Variants in TMEM232 observed in about 807,000 individuals in gnomAD.
TMEM232 encodes transmembrane protein 232.
In TMEM232, 80 loss-of-function variants were observed where a neutral mutation model predicts 78.8. The observed-to-expected ratio is 1.01, with a 90% CI of 0.85 to 1.22. The LOEUF (loss-of-function observed/expected upper bound fraction) is 1.22. Ranked by LOEUF, TMEM232 falls within the 50% of genes most tolerant of loss-of-function variation. The pLI, the probability that TMEM232 is intolerant of heterozygous loss-of-function variation, is 0.00. For synonymous variants in TMEM232, 297 were observed against 254.3 expected (o/e 1.17, Z -1.60); for missense variants, 881 against 742.2 (o/e 1.19, Z -2.17).
chr5:110,735,364 G>A (rs1472421297), intron 1 of TMEM232, among the ~76,000 whole-genome samples: 1 of 152,072 alleles, frequency 6.6e-6, no homozygotes, highest in African/African-American at 2.4e-5. Context: ...TAAGCCCGTT[G>A]GGGGGTGGTT....
At chr5:110,688,250 G>C (rs1239609359) in intron 1 of TMEM232, among the ~76,000 whole-genome samples, 2 of 152,084 alleles carry the variant, frequency 1.3e-5, no homozygotes, top group African/African-American at 4.8e-5. Context: ...TAGGTAGTTG[G>C]ATAGATGAAG....
Position 110,677,740 on chromosome 5 carries a change from T to C in TMEM232, c.-12-10376A>G, listed in dbSNP as rs182774996. 2.6e-5 allele frequency among the ~76,000 whole-genome samples: 4 copies of C among 152,318 alleles called. No individual in the cohort carries two copies. The East Asian group carries it at 7.7e-4, about 29-fold the overall frequency. On this transcript the variant is annotated intron_variant, in intron 1 of 13. Transcript: ENST00000455884. ...CTGGTAAAACGTTTGACATTAAATT[T>C]TGAAAATACAGCAAAATTTTATGTT...
intron 8 of TMEM232, among the ~76,000 whole-genome samples, chr5:110,609,492 A>G (rs1781918934): frequency 6.6e-6 from 1 of 152,040 alleles, no homozygotes; most frequent in Non-Finnish European, 1.5e-5. Context: ...TTTTTTAAGT[A>G]GTGAGAGTAT....
intron 1 of TMEM232, among the ~76,000 whole-genome samples, chr5:110,706,281 C>T (rs1175461608): frequency 6.6e-6 from 1 of 152,150 alleles, no homozygotes; most frequent in African/African-American, 2.4e-5. Context: ...TATTCACAGA[C>T]TACCAAAATG....
At chr5:110,657,379 A>G (rs936275513) in intron 2 of TMEM232, among the ~76,000 whole-genome samples, 1 of 90,066 alleles carries the variant, frequency 1.1e-5, no homozygotes, top group Admixed American at 1.3e-4. Context: ...ATGGATATCT[A>G]TCTGAGTGTG....
chr5:110,631,596 G>A (rs528136584), intron 5 of TMEM232, among the ~76,000 whole-genome samples: 1 of 152,294 alleles, frequency 6.6e-6, no homozygotes, highest in East Asian at 1.9e-4. Context: ...ATGGCACCTT[G>A]TCTGGGCCTG....
intron 11 of TMEM232, among the ~76,000 whole-genome samples, chr5:110,554,753 A>G (rs1774877818): frequency 6.6e-6 from 1 of 152,044 alleles, no homozygotes; most frequent in Non-Finnish European, 1.5e-5. Flanking sequence ...TTCTTTATAC[A>G]TCTGGTATAA....
chr5:110,598,105 A>T (rs1231316306), intron 10 of TMEM232, among the ~76,000 whole-genome samples: 1 of 152,186 alleles, frequency 6.6e-6, no homozygotes, highest in Non-Finnish European at 1.5e-5. Flanking sequence ...AATTTTCGCA[A>T]CCTACTCATC....
At chr5:110,401,581 A>G (rs1755599639) in intron 2 of TMEM232, among the ~76,000 whole-genome samples, 1 of 151,982 alleles carries the variant, frequency 6.6e-6, no homozygotes, top group African/African-American at 2.4e-5. Flanking sequence ...TTCTGGCTTA[A>G]GAGTTTGATT....
intron 13 of TMEM232, among the ~76,000 whole-genome samples, chr5:110,421,237 A>G (rs188266450): frequency 1.8e-3 from 272 of 152,120 alleles, no homozygotes; most frequent in African/African-American, 6.1e-3. Context: ...GGCCAGAAAA[A>G]AAGCTCTAAA....
chr5:110,595,198 A>C (rs1030540201), intron 10 of TMEM232, among the ~76,000 whole-genome samples: 1 of 152,224 alleles, frequency 6.6e-6, no homozygotes, highest in Admixed American at 6.5e-5. Flanking sequence ...TGTTAGAAGG[A>C]AAACTAGAAA....
intron 12 of TMEM232, among the ~76,000 whole-genome samples, chr5:110,433,845 A>C (rs1467657115): frequency 1.3e-5 from 2 of 152,056 alleles, no homozygotes; most frequent in Non-Finnish European, 2.9e-5. Context: ...GATCATGGTG[A>C]ATTAACATTT....
chr5:110,486,407 G>C (rs1764470758), intron 12 of TMEM232, among the ~76,000 whole-genome samples: 1 of 152,006 alleles, frequency 6.6e-6, no homozygotes, highest in African/African-American at 2.4e-5. Flanking sequence ...CCAATGTCTA[G>C]AAGGGTTTTT....
At chr5:110,726,336 TA>T (rs201440375) in intron 1 of TMEM232, among the ~76,000 whole-genome samples, 1,847 of 152,196 alleles carry the variant, frequency 0.012, 47 homozygotes, top group African/African-American at 0.042. Context: ...TTCATAGCAA[TA>T]AGAAAGTTCC....
intron 8 of TMEM232, among the ~76,000 whole-genome samples, chr5:110,615,206 T>C (rs757908058): frequency 6.6e-6 from 1 of 151,960 alleles, no homozygotes; most frequent in Non-Finnish European, 1.5e-5. Flanking sequence ...AAATAACTTT[T>C]GTTCATAAAG....
At chr5:110,641,088 A>G in intron 3 of TMEM232, 92 bp from the exon 4 acceptor site, 1 of 787,876 alleles carries the variant, frequency 1.3e-6, no homozygotes, top group South Asian at 2.9e-5. Flanking sequence ...TCCAAAAGTC[A>G]TTCTATGAAG....
intron 12 of TMEM232, among the ~76,000 whole-genome samples, chr5:110,517,520 C>G (rs1191125036): frequency 6.6e-6 from 1 of 152,200 alleles, no homozygotes; most frequent in Non-Finnish European, 1.5e-5. Flanking sequence ...TGTCACCAAG[C>G]TGTAGCTCCA....
chr5:110,708,353 C>T (rs189703496), intron 1 of TMEM232, among the ~76,000 whole-genome samples: 158 of 152,224 alleles, frequency 1.0e-3, no homozygotes, highest in African/African-American at 3.7e-3. Flanking sequence ...GGGACTTCTT[C>T]ACAGAAAGAA....
At chr5:110,556,360 C>CTT (rs1561682567) in intron 11 of TMEM232, among the ~76,000 whole-genome samples, 2,955 of 136,106 alleles carry the variant, frequency 0.022, 75 homozygotes, top group African/African-American at 0.067. Context: ...CTTCCCTTCC[C>CTT]CTTCCTTCCT....
Sources: gnomAD v4.1 joint callset for allele counts (sites outside exome capture counted in the v4.1 genomes callset) on GRCh38, gnomAD v4.1.1 for gene constraint, MANE v1.5 for transcripts, NCBI Gene and HGNC (gene_info 2026-07-23, HGNC 2026-07-21) for gene names.